The following SUCLG2 variants were observed in gnomAD, a reference collection of about 807,000 sequenced individuals.
The protein encoded by SUCLG2 is succinate--CoA ligase [GDP-forming] subunit beta, mitochondrial.
Under a neutral mutation model 47.9 loss-of-function variants are expected in SUCLG2, and 42 were observed. The observed-to-expected ratio is 0.88, with a 90% CI of 0.69 to 1.14. The LOEUF (loss-of-function observed/expected upper bound fraction) is 1.14, where lower values mean the gene tolerates loss of function less well. Ranked by LOEUF, SUCLG2 falls within the 50% of genes most tolerant of loss-of-function variation. SUCLG2 has a pLI of 0.00. For missense variants in SUCLG2, 571 were observed against 525.9 expected (o/e 1.09, Z -0.84); for synonymous variants, 195 against 197.3 (o/e 0.99, Z 0.10).
chr3:67,430,160 A>G (rs928002977), intron 9 of SUCLG2, among the ~76,000 whole-genome samples: 3 of 152,228 alleles, frequency 2.0e-5, no homozygotes, highest in African/African-American at 7.2e-5. Flanking sequence ...TTTTCTCAGC[A>G]CCACATTGCA....
intron 10 of SUCLG2, among the ~76,000 whole-genome samples, chr3:67,381,543 G>A (rs1020136919): frequency 6.6e-6 from 1 of 152,174 alleles, no homozygotes; most frequent in African/African-American, 2.4e-5. Flanking sequence ...TTTAAATGGT[G>A]CTACTGACAT....
intron 9 of SUCLG2, among the ~76,000 whole-genome samples, chr3:67,406,413 G>A (rs1321252277): frequency 1.3e-5 from 2 of 152,178 alleles, no homozygotes; most frequent in Non-Finnish European, 2.9e-5. Flanking sequence ...GGAGGAAAAT[G>A]CTAGGTCCTA....
At chr3:67,536,090 G>A (rs1271716348) in intron 2 of SUCLG2, among the ~76,000 whole-genome samples, 3 of 152,102 alleles carry the variant, frequency 2.0e-5, no homozygotes, top group Admixed American at 6.5e-5. Context: ...GGATTCTCTC[G>A]TCGACCATAA....
chr3:67,633,121 T>C (rs1700954370), intron 1 of SUCLG2, among the ~76,000 whole-genome samples: 2 of 152,228 alleles, frequency 1.3e-5, no homozygotes, highest in South Asian at 4.1e-4. Flanking sequence ...TAGTGCATTT[T>C]TTAATTAATG....
chr3:67,491,384 G>C (rs1366883494), intron 9 of SUCLG2, among the ~76,000 whole-genome samples: 1 of 103,432 alleles, frequency 9.7e-6, no homozygotes, highest in African/African-American at 5.7e-5. Context: ...TTTTTTTCCA[G>C]ACGAAGTCTC....
rs191966040 is a variant in SUCLG2 at position 67,571,399 on chromosome 3, C to T, written c.226+38056G>A. 2.0e-4 allele frequency among the ~76,000 whole-genome samples: 31 copies of T among 152,248 alleles called. 1 individual carries two copies. In the East Asian group the frequency reaches 3.5e-3, roughly 17 times the overall value. ...CCTGCATTAGACTGTTGACATTTAC[C>T]GGATGAACCCCAGGTCTGAGACAAC... On this transcript the variant is annotated intron_variant, in intron 2 of 10. Coordinates refer to ENST00000307227, the MANE Select transcript of SUCLG2 (RefSeq NM_003848.4).
intron 2 of SUCLG2, among the ~76,000 whole-genome samples, chr3:67,559,831 T>C (rs958977855): frequency 3.9e-5 from 6 of 151,974 alleles, no homozygotes; most frequent in Non-Finnish European, 8.8e-5. Flanking sequence ...TCCAAACCCA[T>C]AGAATGTACA....
intron 1 of SUCLG2, among the ~76,000 whole-genome samples, chr3:67,631,658 G>A (rs759979270): frequency 3.3e-5 from 5 of 152,008 alleles, no homozygotes; most frequent in South Asian, 4.2e-4. Flanking sequence ...TATTTACTAC[G>A]TGGTCATCTA....
chr3:67,408,183 G>A (rs1474632506), intron 9 of SUCLG2, among the ~76,000 whole-genome samples: 1 of 152,036 alleles, frequency 6.6e-6, no homozygotes, highest in Non-Finnish European at 1.5e-5. Context: ...GTATATTCTT[G>A]GAGTTTGAAA....
chr3:67,528,413 G>C (rs948116653), intron 3 of SUCLG2, among the ~76,000 whole-genome samples, 191 bp from the exon 4 acceptor site: 2 of 152,160 alleles, frequency 1.3e-5, no homozygotes, highest in African/African-American at 4.8e-5. Context: ...AAATAAAAGT[G>C]AGTTCATGAA....
At chr3:67,453,217 A>G (rs1704098846) in intron 9 of SUCLG2, among the ~76,000 whole-genome samples, 1 of 101,606 alleles carries the variant, frequency 9.8e-6, no homozygotes, top group African/African-American at 3.3e-5. Flanking sequence ...CAGTACATTC[A>G]GACTTCTTTT....
At position 67,520,584 on chromosome 3, in the gene SUCLG2, A is replaced by T. The variant is rs759286102; in HGVS notation, c.468T>A (p.Ile156=). The T allele has an allele frequency of 6.2e-7, 1 of 1,613,882 alleles. No individual in the cohort carries two copies. Among genetic ancestry groups the T allele is most frequent in the Admixed American group, 1.7e-5 (1 of 59,994 alleles). The change falls in exon 5 of 11, where the codon ATT becomes ATA. Residue 156 remains isoleucine (I), a synonymous_variant. Coordinates refer to ENST00000307227, the MANE Select transcript of SUCLG2 (RefSeq NM_003848.4). ...LDISRETYLA[I]LMDRSCNGPV... The stretch of plus-strand genomic sequence containing the variant: ...GGCCATTGCAGGACCGGTCCATCAG[A>T]ATTGCCAGGTAGGTTTCTCTGGAAA...
At chr3:67,396,670 T>C (rs537580020) in intron 10 of SUCLG2, among the ~76,000 whole-genome samples, 51 of 152,308 alleles carry the variant, frequency 3.3e-4, no homozygotes, top group Admixed American at 1.7e-3. Flanking sequence ...TAACTCATTT[T>C]ATGAGGCCAG....
intron 1 of SUCLG2, among the ~76,000 whole-genome samples, chr3:67,610,252 T>C (rs1301278177): frequency 6.6e-6 from 1 of 152,216 alleles, no homozygotes; most frequent in African/African-American, 2.4e-5. Context: ...ATCTCTTTCA[T>C]CCACCAAGGT....
chr3:67,387,851 ATTAG>A (rs1017814535), intron 10 of SUCLG2, among the ~76,000 whole-genome samples: 1 of 152,026 alleles, frequency 6.6e-6, no homozygotes, highest in Non-Finnish European at 1.5e-5. Flanking sequence ...TGGTTTTTTA[ATTAG>A]TTAATTAGTA....
intron 2 of SUCLG2, among the ~76,000 whole-genome samples, chr3:67,573,298 T>C (rs879354332): frequency 2.6e-5 from 4 of 152,130 alleles, no homozygotes; most frequent in Admixed American, 6.6e-5. Context: ...CTTTCAGAAA[T>C]TGACAAGCAG....
At chr3:67,409,636 T>C (rs957702107) in intron 9 of SUCLG2, among the ~76,000 whole-genome samples, 1 of 152,124 alleles carries the variant, frequency 6.6e-6, no homozygotes, top group Admixed American at 6.6e-5. Context: ...TAATTACAAC[T>C]AAAGGTTTAG....
chr3:67,505,246 C>G (rs774891702), intron 7 of SUCLG2, among the ~76,000 whole-genome samples: 2 of 152,172 alleles, frequency 1.3e-5, no homozygotes, highest in Non-Finnish European at 2.9e-5. Flanking sequence ...AATTTGGAGG[C>G]AAGCAGGGCT....
chr3:67,594,825 T>C (rs1028551017), intron 2 of SUCLG2, among the ~76,000 whole-genome samples: 7 of 152,228 alleles, frequency 4.6e-5, no homozygotes, highest in African/African-American at 7.2e-5. Flanking sequence ...TTAGCAATCA[T>C]TGATATTGTT....
Sources: gnomAD v4.1 joint callset for allele counts (sites outside exome capture counted in the v4.1 genomes callset) on GRCh38, gnomAD v4.1.1 for gene constraint, MANE v1.5 for transcripts, NCBI Gene and HGNC (gene_info 2026-07-23, HGNC 2026-07-21) for gene names.